Variants in ZMYM4 observed in about 807,000 individuals in gnomAD.
The protein encoded by ZMYM4 is zinc finger MYM-type containing 4, also known as zinc finger MYM-type protein 4.
ZMYM4 carries 31 observed loss-of-function variants against 183.2 expected under a neutral mutation model. The ratio of observed to expected loss-of-function variants is 0.17; its 90% confidence interval spans 0.13 to 0.23. The LOEUF (loss-of-function observed/expected upper bound fraction) is 0.23. ZMYM4 is among the 10% of genes least tolerant of loss of function. The probability of loss-of-function intolerance (pLI) is 1.00; values close to 1 mark genes in which losing one functional copy is unlikely to be tolerated. For missense variants in ZMYM4, 1,273 were observed against 1,840.3 expected (o/e 0.69, Z 5.64); for synonymous variants, 592 against 631.2 (o/e 0.94, Z 0.93).
intron 7 of ZMYM4, among the ~76,000 whole-genome samples, chr1:35,373,550 T>TA (rs1644264070): frequency 7.6e-6 from 1 of 131,966 alleles, no homozygotes; most frequent in African/African-American, 3.2e-5. Context: ...GCTAATTTTT[T>TA]TTTTTTTTTT....
At chr1:35,339,606 A>G (rs1386944474) in intron 2 of ZMYM4, among the ~76,000 whole-genome samples, 3 of 152,146 alleles carry the variant, frequency 2.0e-5, no homozygotes, top group African/African-American at 4.8e-5. Context: ...ATACTATTCC[A>G]TTTTATATAA....
intron 1 of ZMYM4, among the ~76,000 whole-genome samples, chr1:35,272,744 T>C (rs1639675687): frequency 6.6e-6 from 1 of 152,188 alleles, no homozygotes; most frequent in Non-Finnish European, 1.5e-5. Flanking sequence ...AGTCTTGCTC[T>C]GTCGCCCATG....
chr1:35,270,098 G>T lies in ZMYM4; in HGVS notation c.39+1013G>T, dbSNP rs574268991. ...TGTTTTGAGTGCTTACTGTGTGCCTGGCACTGAGCTAAGACCTTTATGTGA... is the reference window on the plus strand; with the variant it reads ...TGTTTTGAGTGCTTACTGTGTGCCTTGCACTGAGCTAAGACCTTTATGTGA... On this transcript the variant is annotated intron_variant, in intron 1 of 29. Transcript: ENST00000314607. Among the ~76,000 whole-genome samples the T allele has an allele frequency of 1.2e-3, 177 of 152,266 alleles. 1 individual carries two copies. The highest frequency in any genetic ancestry group is 4.1e-3 in the African/African-American group (172 of 41,562).
intron 1 of ZMYM4, among the ~76,000 whole-genome samples, chr1:35,277,497 A>G (rs1639933380): frequency 6.6e-6 from 1 of 152,150 alleles, no homozygotes; most frequent in South Asian, 2.1e-4. Flanking sequence ...CTAGGAGGTA[A>G]CTTAAGTGGT....
chr1:35,409,156 A>G (rs996297632), intron 26 of ZMYM4, among the ~76,000 whole-genome samples: 2 of 152,252 alleles, frequency 1.3e-5, no homozygotes, highest in African/African-American at 2.4e-5. Context: ...ATATGGATAT[A>G]CCACATGTTG....
chr1:35,301,363 A>G (rs1641268362), intron 1 of ZMYM4, among the ~76,000 whole-genome samples: 1 of 152,068 alleles, frequency 6.6e-6, no homozygotes, highest in Admixed American at 6.6e-5. Context: ...CCTGGCCAAC[A>G]TGGTGAAACC....
At chr1:35,349,567 C>A (rs966713344) in intron 2 of ZMYM4, among the ~76,000 whole-genome samples, 1 of 152,052 alleles carries the variant, frequency 6.6e-6, no homozygotes, top group African/African-American at 2.4e-5. Flanking sequence ...GTGGCTCATG[C>A]CTGTAATCCT....
intron 1 of ZMYM4, among the ~76,000 whole-genome samples, chr1:35,321,391 A>C (rs1427644038): frequency 2.0e-5 from 3 of 152,186 alleles, no homozygotes; most frequent in African/African-American, 7.2e-5. Context: ...AGTGACCCAG[A>C]TGCTTGAAAC....
rs1297700646 is a variant in ZMYM4, at chr1:35,385,339, A to G, written c.1570-103A>G. Reference sequence around the variant, plus strand: ...TTACAATCATAAAAGTTTGAAAATCACTGATTTCAAATATTTCAAAAGTGT... The same window carrying G: ...TTACAATCATAAAAGTTTGAAAATCGCTGATTTCAAATATTTCAAAAGTGT... On this transcript the variant is annotated intron_variant, in intron 9 of 29. Coordinates refer to ENST00000314607, the MANE Select transcript of ZMYM4 (RefSeq NM_005095.3). 6 of 1,236,908 alleles carry G rather than the reference A, an allele frequency of 4.9e-6. No homozygotes were observed. In the East Asian group the frequency reaches 1.5e-4, roughly 30 times the overall value. The allele number at this position is 1,236,908 out of a possible 1,614,324, so 76.6% of individuals were successfully genotyped here.
chr1:35,368,190 G>T lies in ZMYM4; in HGVS notation c.841-1839G>T, dbSNP rs562082691. Among the ~76,000 whole-genome samples the T allele has an allele frequency of 1.9e-4, 29 of 152,026 alleles. No individual in the cohort carries two copies. In the South Asian group the frequency reaches 3.5e-3, roughly 18 times the overall value. ...TTTTGCTCCACCAGAGCAGAGTTGA[G>T]TAGTTGGGACAGAGACCATATGGCC... is the stretch of plus-strand genomic sequence containing the variant. On this transcript the variant is annotated intron_variant, in intron 5 of 29. Transcript: ENST00000314607.
chr1:35,392,868 A>C (rs1278327818), intron 17 of ZMYM4, among the ~76,000 whole-genome samples, 184 bp downstream of exon 17: 1 of 152,214 alleles, frequency 6.6e-6, no homozygotes, highest in East Asian at 1.9e-4. Flanking sequence ...ATGTACTTTA[A>C]TATCTTTGAA....
intron 25 of ZMYM4, among the ~76,000 whole-genome samples, chr1:35,407,537 A>AT (rs1645026461): frequency 6.6e-6 from 1 of 152,172 alleles, no homozygotes; most frequent in African/African-American, 2.4e-5. Flanking sequence ...TCAGAGACAA[A>AT]TATAGTATCT....
chr1:35,416,506 C>T (rs1420327279), intron 28 of ZMYM4, among the ~76,000 whole-genome samples: 1 of 151,998 alleles, frequency 6.6e-6, no homozygotes, highest in African/African-American at 2.4e-5. Context: ...TGTCTGTGTC[C>T]TGTTTGCTTA....
intron 1 of ZMYM4, among the ~76,000 whole-genome samples, chr1:35,307,269 A>G (rs1016368524): frequency 3.3e-5 from 5 of 152,096 alleles, no homozygotes; most frequent in African/African-American, 7.2e-5. Context: ...AGGGGAGAAA[A>G]CACTGCATTG....
intron 3 of ZMYM4, among the ~76,000 whole-genome samples, chr1:35,360,301 A>G (rs1643907952): frequency 1.3e-5 from 2 of 152,094 alleles, no homozygotes; most frequent in Non-Finnish European, 2.9e-5. Flanking sequence ...GTTGAGGGCC[A>G]GATTGTATCT....
intron 1 of ZMYM4, among the ~76,000 whole-genome samples, chr1:35,280,424 C>T (rs1396353070): frequency 2.0e-5 from 3 of 152,162 alleles, no homozygotes; most frequent in Admixed American, 2.0e-4. Flanking sequence ...AGGCATAAGC[C>T]ATCATGCCTG....
intron 26 of ZMYM4, among the ~76,000 whole-genome samples, chr1:35,412,631 GATGAGTTTGA>G (rs767353053): frequency 1.3e-5 from 2 of 152,136 alleles, no homozygotes; most frequent in Non-Finnish European, 1.5e-5. Context: ...GACTTTGTGT[GATGAGTTTGA>G]ATGAGTTTGA....
chr1:35,381,557 A>G lies in ZMYM4; in HGVS notation c.1368A>G (p.Glu456=). ...TATTTAATTTCTAGATTCGACATGA[A>G]GTTAATTACCAGAATGTGGTCCATA... ...MCQKNAVIRH[E]VNYQNVVHKL... Residue 456 remains glutamate (E), a synonymous_variant, in exon 9 of 30, where the codon GAA becomes GAG. Transcript: ENST00000314607. 1 of 1,614,178 alleles carries G rather than the reference A, an allele frequency of 6.2e-7. No homozygotes were observed. The highest frequency in any genetic ancestry group is 8.5e-7 in the Non-Finnish European group (1 of 1,180,026).
In ZMYM4 at chr1:35,385,432, C is replaced by A; in HGVS notation, c.1570-10C>A. On this transcript the variant is annotated splice_polypyrimidine_tract_variant and intron_variant, in intron 9 of 29. Coordinates refer to ENST00000314607, the MANE Select transcript of ZMYM4 (RefSeq NM_005095.3). ...TGTTAAAAATGAATGTTGTTTTATT[C>A]TCTTAATAGAAATCAGCCAAAATTA... is the stretch of plus-strand genomic sequence containing the variant. The A allele has an allele frequency of 6.2e-7, 1 of 1,603,234 alleles. No individual in the cohort carries two copies. Among genetic ancestry groups the A allele is most frequent in the Non-Finnish European group, 8.5e-7 (1 of 1,177,266 alleles).
Sources: gnomAD v4.1 joint callset for allele counts (sites outside exome capture counted in the v4.1 genomes callset) on GRCh38, gnomAD v4.1.1 for gene constraint, MANE v1.5 for transcripts, NCBI Gene and HGNC (gene_info 2026-07-23, HGNC 2026-07-21) for gene names.